DOCK3: variants seen among roughly 807,000 people sequenced by gnomAD.
DOCK3 encodes the protein dedicator of cytokinesis 3, also known as dedicator of cytokinesis protein 3.
In DOCK3, 60 loss-of-function variants were observed where a neutral mutation model predicts 265.6. The ratio of observed to expected loss-of-function variants is 0.23; its 90% CI spans 0.18 to 0.28. The LOEUF is 0.28. Among genes scored for constraint, DOCK3 ranks in the 10% least tolerant of loss-of-function variants. The pLI is 1.00. For synonymous variants in DOCK3, 881 were observed against 938.0 expected, an observed-to-expected ratio of 0.94 and a Z score of 1.11; for missense variants, 1,981 against 2,594.3, an observed-to-expected ratio of 0.76 and a Z score of 5.14.
chr3:50,982,397 A>G (rs892100837), intron 5 of DOCK3, among the ~76,000 whole-genome samples: 10 of 152,080 alleles, frequency 6.6e-5, no homozygotes, highest in African/African-American at 2.4e-4. Context: ...TGGCAGTGGC[A>G]GGCCTTTTGA....
chr3:50,781,209 TA>T (rs2041894940), intron 2 of DOCK3, among the ~76,000 whole-genome samples: 1 of 123,220 alleles, frequency 8.1e-6, no homozygotes. Context: ...AAATAAAAAA[TA>T]AAAATAAAAA....
rs546966175 is a variant in DOCK3 at position 51,297,105 on chromosome 3, G to A, written c.2923-13127G>A. Among the ~76,000 whole-genome samples the A allele has an allele frequency of 9.0e-5, 10 of 110,538 alleles. 1 individual carries two copies. In the East Asian group the frequency reaches 2.5e-3, roughly 27 times the overall value. The allele number at this position is 110,538 out of a possible 152,430, so 72.5% of individuals were successfully genotyped here. On this transcript the variant is annotated intron_variant, in intron 27 of 52. Coordinates refer to ENST00000266037, the MANE Select transcript of DOCK3 (RefSeq NM_004947.5). ...TGCACTCCAGCCTGGGGGATAGAGT[G>A]AGACTCTGTCTCAAAAAAAAAAAAA...
chr3:51,360,996 C>T (rs563602966), intron 47 of DOCK3, among the ~76,000 whole-genome samples: 1 of 152,154 alleles, frequency 6.6e-6, no homozygotes, highest in Non-Finnish European at 1.5e-5. Context: ...CTGAGTAGAG[C>T]CAAGTGGCTG....
Position 51,246,729 on chromosome 3 carries a change from G to A in DOCK3, c.2106G>A (p.Glu702=), listed in dbSNP as rs755261322. The A allele has an allele frequency of 3.7e-6, 6 of 1,612,780 alleles. No homozygotes were observed. The highest frequency in any genetic ancestry group is 5.1e-6 in the Non-Finnish European group (6 of 1,179,386). ...KHFAGALAYK[E]LIRCLKWYMD... is the part of the protein sequence containing the mutation. The stretch of plus-strand genomic sequence containing the variant: ...CTGGAACTGTTCTCTTTCCCAGGGA[G>A]CTCATCCGCTGTTTGAAGTGGTATA... The change falls in exon 22 of 53, where the codon GAG becomes GAA. Residue 702 remains glutamate (E), a synonymous_variant. Transcript: ENST00000266037.
chr3:50,699,900 T>C (rs1307062840), intron 1 of DOCK3, among the ~76,000 whole-genome samples: 2 of 152,234 alleles, frequency 1.3e-5, no homozygotes, highest in Non-Finnish European at 2.9e-5. Context: ...TTTTGATACA[T>C]GCATACAATG....
intron 3 of DOCK3, chr3:50,877,444 A>G (rs537941559): frequency 1.9e-6 from 1 of 519,924 alleles, no homozygotes; most frequent in South Asian, 1.4e-5. Flanking sequence ...GCTTTCCCTC[A>G]CCACTTATAA....
chr3:51,109,579 A>G (rs1173817846), intron 9 of DOCK3, among the ~76,000 whole-genome samples: 1 of 152,116 alleles, frequency 6.6e-6, no homozygotes, highest in African/African-American at 2.4e-5. Flanking sequence ...AATCAAGATG[A>G]TTTTTTGAAA....
At chr3:51,111,875 C>T (rs1391815634) in intron 9 of DOCK3, among the ~76,000 whole-genome samples, 4 of 151,848 alleles carry the variant, frequency 2.6e-5, no homozygotes. Context: ...AAAACAACTT[C>T]AATATAAAGT....
intron 2 of DOCK3, among the ~76,000 whole-genome samples, chr3:50,840,455 C>A (rs982361556): frequency 6.6e-6 from 1 of 152,196 alleles, no homozygotes; most frequent in Non-Finnish European, 1.5e-5. Flanking sequence ...TGTTCCAGCA[C>A]CATTTGTTGA....
intron 5 of DOCK3, among the ~76,000 whole-genome samples, chr3:50,973,366 C>A (rs2077318110): frequency 6.9e-6 from 1 of 144,216 alleles, no homozygotes; most frequent in Non-Finnish European, 1.5e-5. Flanking sequence ...TCAATTCCCA[C>A]CTATGAGTGA....
At chr3:51,135,997 T>C (rs956808904) in intron 9 of DOCK3, among the ~76,000 whole-genome samples, 1 of 152,076 alleles carries the variant, frequency 6.6e-6, no homozygotes, top group African/African-American at 2.4e-5. Context: ...GGTGGAGCCA[T>C]TGCATGCAGC....
Position 51,228,831 on chromosome 3 carries a change from T to C in DOCK3, c.1818T>C (p.Asn606=). ...TQLSSTKLTQ[N]VDLLALLKWK... ...TCTCCTCTACCAAACTCACCCAGAA[T>C]GGTAGGTGATAATGCCTGCAGGGTG... The change falls in exon 18 of 53, where the codon AAT becomes AAC. Residue 606 remains asparagine, a splice_region_variant and synonymous_variant. Coordinates refer to ENST00000266037, the MANE Select transcript of DOCK3 (RefSeq NM_004947.5). 6.2e-7 allele frequency: 1 copy of C among 1,613,720 alleles called. No homozygotes were observed. The highest frequency in any genetic ancestry group is 8.5e-7 in the Non-Finnish European group (1 of 1,179,714).
chr3:50,817,131 T>C (rs1576527911), intron 2 of DOCK3, among the ~76,000 whole-genome samples: 2 of 152,332 alleles, frequency 1.3e-5, no homozygotes, highest in Non-Finnish European at 2.9e-5. Flanking sequence ...TTTTAGACCA[T>C]ATAGGGTAAC....
intron 21 of DOCK3, among the ~76,000 whole-genome samples, chr3:51,238,971 A>G (rs565209374): frequency 2.0e-5 from 3 of 152,306 alleles, no homozygotes; most frequent in African/African-American, 7.2e-5. Flanking sequence ...TTGGGTTTAT[A>G]TACAGTATTG....
intron 1 of DOCK3, among the ~76,000 whole-genome samples, chr3:50,738,290 A>G (rs1439520170): frequency 3.8e-4 from 58 of 152,126 alleles, no homozygotes; most frequent in Non-Finnish European, 2.9e-5. Flanking sequence ...CTGGTGCTGG[A>G]GTTACCAGGC....
At chr3:51,259,863 GA>G (rs1932159614) in intron 22 of DOCK3, among the ~76,000 whole-genome samples, 1 of 152,136 alleles carries the variant, frequency 6.6e-6, no homozygotes, top group Admixed American at 6.5e-5. Context: ...GAGTGGTCTT[GA>G]ATTCAACTAT....
intron 26 of DOCK3, chr3:51,278,282 T>C: frequency 1.0e-6 from 1 of 985,400 alleles, no homozygotes; most frequent in Non-Finnish European, 1.2e-6. Flanking sequence ...TTCTGTGATC[T>C]AATTAGAAGA....
At chr3:50,984,529 C>T (rs1005179814) in intron 5 of DOCK3, among the ~76,000 whole-genome samples, 2 of 152,122 alleles carry the variant, frequency 1.3e-5, no homozygotes, top group African/African-American at 4.8e-5. Context: ...TTTCTTTCTG[C>T]ACTTTGAATA....
chr3:50,956,492 T>C (rs2076733963), intron 5 of DOCK3, among the ~76,000 whole-genome samples: 1 of 152,210 alleles, frequency 6.6e-6, no homozygotes, highest in Admixed American at 6.5e-5. Flanking sequence ...GAACTACAGG[T>C]TGGATTTTGG....
Sources: gnomAD v4.1 joint callset for allele counts (sites outside exome capture counted in the v4.1 genomes callset) on GRCh38, gnomAD v4.1.1 for gene constraint, MANE v1.5 for transcripts, NCBI Gene and HGNC (gene_info 2026-07-23, HGNC 2026-07-21) for gene names.